Variants in SP140 observed in about 807,000 individuals in gnomAD.
SP140 encodes the protein SP140 nuclear body protein.
In SP140, 81 loss-of-function variants were observed where a neutral mutation model predicts 125.0. The observed-to-expected ratio is 0.65, with a 90% CI of 0.54 to 0.78. The LOEUF (loss-of-function observed/expected upper bound fraction) is 0.78, where lower values mean the gene tolerates loss of function less well. Ranked by LOEUF, SP140 falls within the 30% of genes least tolerant of loss-of-function variation. SP140 has a pLI of 0.00. For synonymous variants in SP140, 312 were observed against 354.0 expected (o/e 0.88, Z 1.33); for missense variants, 858 against 1,037.0 (o/e 0.83, Z 2.37).
chr2:230,266,034 T>A (rs114076749), intron 12 of SP140, among the ~76,000 whole-genome samples: 36 of 152,166 alleles, frequency 2.4e-4, no homozygotes, highest in African/African-American at 8.4e-4. Context: ...CTGTGTTCCA[T>A]GAGAATGGCC....
At chr2:230,309,856 T>C in intron 22 of SP140, 68 bp from the exon 23 acceptor site, 1 of 1,542,174 alleles carries the variant, frequency 6.5e-7, no homozygotes, top group Non-Finnish European at 8.9e-7. Context: ...TGTGTTCTAG[T>C]TGCCCAGAGG....
chr2:230,287,488 AATC>A, intron 17 of SP140, among the ~76,000 whole-genome samples: 1 of 152,334 alleles, frequency 6.6e-6, no homozygotes, highest in East Asian at 1.9e-4. Flanking sequence ...TAATGACGGT[AATC>A]ATCATTTTGA....
intron 9 of SP140, 40 bp from the exon 10 acceptor site, chr2:230,250,941 C>A (rs1191436585): frequency 1.2e-6 from 2 of 1,608,514 alleles, no homozygotes; most frequent in South Asian, 2.2e-5. Flanking sequence ...ACTAAGTTTT[C>A]TCTTCATAAT....
At chr2:230,244,021 A>C (rs1282230809) in intron 5 of SP140, among the ~76,000 whole-genome samples, 2 of 152,232 alleles carry the variant, frequency 1.3e-5, no homozygotes, top group African/African-American at 2.4e-5. Context: ...ATGTCTACTA[A>C]TAATAAAAAC....
At chr2:230,226,474 T>G (rs1037037209) in intron 1 of SP140, among the ~76,000 whole-genome samples, 3 of 152,188 alleles carry the variant, frequency 2.0e-5, no homozygotes, top group Non-Finnish European at 4.4e-5. Context: ...GAGTGCTGCT[T>G]CTGCTTTTTT....
At chr2:230,227,077 G>C (rs943295672) in intron 1 of SP140, among the ~76,000 whole-genome samples, 3 of 152,072 alleles carry the variant, frequency 2.0e-5, no homozygotes, top group Non-Finnish European at 4.4e-5. Context: ...TCCATGGAGG[G>C]TCCTGGAACC....
At chr2:230,267,181 A>G (rs1193740411) in intron 12 of SP140, among the ~76,000 whole-genome samples, 1 of 152,238 alleles carries the variant, frequency 6.6e-6, no homozygotes, top group Non-Finnish European at 1.5e-5. Flanking sequence ...TTTAGGTGAG[A>G]CTGAAGAGAT....
chr2:230,298,291 C>T (rs890042084), intron 22 of SP140, among the ~76,000 whole-genome samples: 1 of 152,126 alleles, frequency 6.6e-6, no homozygotes, highest in Admixed American at 6.5e-5. Context: ...GCCGGGTCAC[C>T]TTCTTGCACA....
At chr2:230,272,610 C>A (rs2054100174) in intron 15 of SP140, among the ~76,000 whole-genome samples, 1 of 152,108 alleles carries the variant, frequency 6.6e-6, no homozygotes, top group African/African-American at 2.4e-5. Context: ...GAGGCTTCCC[C>A]AGCCACATGG....
At chr2:230,199,787 T>C (rs937481394), upstream of SP140, among the ~76,000 whole-genome samples, 4 of 152,288 alleles carry the variant, frequency 2.6e-5, no homozygotes, top group Admixed American at 6.5e-5. Flanking sequence ...AATGAGAAAG[T>C]AATTTTTGAA....
At chr2:230,212,146 A>G (rs2148921239) in intron 1 of SP140, among the ~76,000 whole-genome samples, 1 of 152,360 alleles carries the variant, frequency 6.6e-6, no homozygotes, top group East Asian at 1.9e-4. Flanking sequence ...TACGCAGGTT[A>G]CTTGTCAATT....
chr2:230,238,640 A>T, intron 3 of SP140: 1 of 876,080 alleles, frequency 1.1e-6, no homozygotes, highest in Non-Finnish European at 1.7e-6. Flanking sequence ...TGTAAAACAT[A>T]GGGTTGAAGT....
intron 5 of SP140, among the ~76,000 whole-genome samples, chr2:230,244,695 G>C (rs1377165304): frequency 1.3e-5 from 2 of 152,146 alleles, no homozygotes; most frequent in Admixed American, 6.6e-5. Context: ...GGGCATTGAA[G>C]AGCAACAGAA....
intron 3 of SP140, among the ~76,000 whole-genome samples, chr2:230,219,225 A>G (rs1353752444): frequency 6.6e-6 from 1 of 152,248 alleles, no homozygotes; most frequent in Non-Finnish European, 1.5e-5. Flanking sequence ...ACTCCGTCTC[A>G]GAAAACAACA....
intron 22 of SP140, among the ~76,000 whole-genome samples, chr2:230,305,762 G>A (rs938670137): frequency 2.0e-5 from 3 of 152,214 alleles, no homozygotes; most frequent in East Asian, 1.9e-4. Context: ...CCAGCAATGC[G>A]GCCCCTGCAC....
chr2:230,294,267 T>C lies in SP140; in HGVS notation c.1969-4T>C. The C allele has an allele frequency of 6.2e-7, 1 of 1,613,100 alleles. No homozygotes were observed. Among genetic ancestry groups the C allele is most frequent in the Non-Finnish European group, 8.5e-7 (1 of 1,179,086 alleles). ...CCATATACCTGAATCTTTTTGTCTT[T>C]CAGAATGGATTTCTGCCTGATCCTC... On this transcript the variant is annotated splice_polypyrimidine_tract_variant and splice_region_variant and intron_variant, in intron 20 of 26. Coordinates refer to ENST00000392045, the MANE Select transcript of SP140 (RefSeq NM_007237.5).
chr2:230,308,960 A>G (rs2059074299), intron 22 of SP140, among the ~76,000 whole-genome samples: 1 of 152,230 alleles, frequency 6.6e-6, no homozygotes, highest in Non-Finnish European at 1.5e-5. Context: ...GTATTTGTCT[A>G]CAATACAGCA....
intron 7 of SP140, among the ~76,000 whole-genome samples, chr2:230,246,889 A>C (rs2049530313): frequency 6.6e-6 from 1 of 152,200 alleles, no homozygotes; most frequent in Non-Finnish European, 1.5e-5. Flanking sequence ...ACAGAGAAAA[A>C]GAGAAAGGAG....
At chr2:230,256,072 G>T (rs1284320485) in intron 12 of SP140, among the ~76,000 whole-genome samples, 1 of 152,186 alleles carries the variant, frequency 6.6e-6, no homozygotes, top group East Asian at 1.9e-4. Context: ...TACACTGTTG[G>T]TGGGACTGTA....
Sources: gnomAD v4.1 joint callset for allele counts (sites outside exome capture counted in the v4.1 genomes callset) on GRCh38, gnomAD v4.1.1 for gene constraint, MANE v1.5 for transcripts, NCBI Gene and HGNC (gene_info 2026-07-23, HGNC 2026-07-21) for gene names.